SMIM14: variants seen among roughly 807,000 people sequenced by gnomAD.
The protein encoded by SMIM14 is chromosome 4 open reading frame 34.
In SMIM14, 5 loss-of-function variants were observed where a neutral mutation model predicts 12.6. The observed-to-expected ratio is 0.40, with a 90% confidence interval of 0.21 to 0.83. SMIM14 has a LOEUF of 0.83. Ranked by LOEUF, SMIM14 falls within the 40% of genes least tolerant of loss-of-function variation. The probability of loss-of-function intolerance (pLI) is 0.37; values close to 1 mark genes in which losing one functional copy is unlikely to be tolerated. For synonymous variants in SMIM14, 30 were observed against 40.1 expected, an observed-to-expected ratio of 0.75 and a Z score of 0.95; for missense variants, 86 against 119.1, an observed-to-expected ratio of 0.72 and a Z score of 1.29.
chr4:39,626,237 A>C (rs537141448), intron 1 of SMIM14, among the ~76,000 whole-genome samples: 1 of 152,198 alleles, frequency 6.6e-6, no homozygotes, highest in African/African-American at 2.4e-5. Flanking sequence ...CCACTGAAAA[A>C]ACTGTCTTCT....
intron 2 of SMIM14, among the ~76,000 whole-genome samples, chr4:39,594,996 C>T (rs1379321759): frequency 7.3e-5 from 11 of 149,686 alleles, no homozygotes; most frequent in Admixed American, 6.7e-5. Context: ...GTCAGTGTGG[C>T]GATTCCTCAG....
intron 2 of SMIM14, among the ~76,000 whole-genome samples, chr4:39,576,660 G>GTATATATATATATATATA (rs1298743756): frequency 1.2e-4 from 9 of 72,376 alleles, no homozygotes; most frequent in Admixed American, 5.0e-4. Flanking sequence ...GTGTGTATGT[G>GTATATATATATATATATA]TATATATATA....
At chr4:39,557,516 C>T (rs940715495) in intron 3 of SMIM14, among the ~76,000 whole-genome samples, 8 of 151,994 alleles carry the variant, frequency 5.3e-5, no homozygotes, top group African/African-American at 1.7e-4. Context: ...CAAGGCAAGC[C>T]GGCCATGCCA....
intron 1 of SMIM14, chr4:39,638,308 A>T: frequency 4.2e-6 from 1 of 240,712 alleles, no homozygotes; most frequent in Non-Finnish European, 6.7e-6. Context: ...GACGCATCCT[A>T]GTGACTTCAC....
chr4:39,632,716 T>G (rs1339811326), intron 1 of SMIM14, among the ~76,000 whole-genome samples: 2 of 147,946 alleles, frequency 1.4e-5, no homozygotes, highest in African/African-American at 2.5e-5. Flanking sequence ...AGGTGGAGGC[T>G]GCAATGAGCC....
At chr4:39,560,602 C>T (rs1297077285) in intron 3 of SMIM14, among the ~76,000 whole-genome samples, 4 of 151,054 alleles carry the variant, frequency 2.6e-5, no homozygotes, top group African/African-American at 7.3e-5. Flanking sequence ...GCTGAGATCG[C>T]GCCACTGCAC....
chr4:39,602,919 G>A (rs1458592250), intron 2 of SMIM14, among the ~76,000 whole-genome samples: 1 of 152,140 alleles, frequency 6.6e-6, no homozygotes, highest in East Asian at 1.9e-4. Flanking sequence ...TTGAGCAAAT[G>A]TTTGTACGTA....
chr4:39,576,658 GTGTATATATA>G (rs1245893386), intron 2 of SMIM14, among the ~76,000 whole-genome samples: 492 of 40,404 alleles, frequency 0.012, 70 homozygotes, highest in African/African-American at 0.036. Flanking sequence ...GTGTGTGTAT[GTGTATATATA>G]TATATATATA....
At chr4:39,568,674 C>T (rs970669756) in intron 3 of SMIM14, among the ~76,000 whole-genome samples, 1 of 152,072 alleles carries the variant, frequency 6.6e-6, no homozygotes, top group Non-Finnish European at 1.5e-5. Flanking sequence ...TGAATAGTAG[C>T]ACAATACTAT....
At chr4:39,611,863 T>A (rs1299907429) in intron 1 of SMIM14, 1 of 152,194 alleles carries the variant, frequency 6.6e-6, no homozygotes, top group African/African-American at 2.4e-5. Context: ...ATAAGGTAGA[T>A]TTCTACATGG....
chr4:39,575,388 CAG>C (rs922200443), intron 2 of SMIM14, among the ~76,000 whole-genome samples: 9 of 151,630 alleles, frequency 5.9e-5, no homozygotes, highest in Non-Finnish European at 1.2e-4. Flanking sequence ...GAAATAGAAA[CAG>C]GGTCTATGTT....
At chr4:39,575,086 T>TTG (rs1190942481) in intron 2 of SMIM14, among the ~76,000 whole-genome samples, 1 of 150,684 alleles carries the variant, frequency 6.6e-6, no homozygotes, top group Non-Finnish European at 1.5e-5. Context: ...ATAGTTTTTT[T>TTG]TTTTTTTTTT....
intron 3 of SMIM14, among the ~76,000 whole-genome samples, chr4:39,562,447 A>T (rs1712358006): frequency 6.6e-6 from 1 of 152,120 alleles, no homozygotes; most frequent in Non-Finnish European, 1.5e-5. Flanking sequence ...CTGCTGATCA[A>T]TGTGGTAACT....
intron 2 of SMIM14, among the ~76,000 whole-genome samples, chr4:39,592,267 C>CTTTT (rs34640338): frequency 4.6e-5 from 6 of 131,628 alleles, no homozygotes; most frequent in African/African-American, 1.4e-4. Context: ...TCATTTGCCT[C>CTTTT]TTTTTTTTTT....
At chr4:39,581,617 C>A (rs1469669079) in intron 2 of SMIM14, among the ~76,000 whole-genome samples, 7 of 150,318 alleles carry the variant, frequency 4.7e-5, no homozygotes, top group Non-Finnish European at 7.4e-5. Flanking sequence ...CCCACCCACC[C>A]CCTACCCCAG....
intron 1 of SMIM14, among the ~76,000 whole-genome samples, chr4:39,619,285 T>C (rs1234966302): frequency 1.0e-5 from 1 of 97,052 alleles, no homozygotes; most frequent in Non-Finnish European, 1.9e-5. Context: ...ATTCTATATA[T>C]CAATAAATAT....
chr4:39,569,724 G>A (rs1712783145), intron 3 of SMIM14, among the ~76,000 whole-genome samples: 1 of 149,616 alleles, frequency 6.7e-6, no homozygotes, highest in African/African-American at 2.5e-5. Flanking sequence ...GCGACAAAGC[G>A]AGACTCTGTC....
chr4:39,626,030 A>AAGCATTACCACCTG (rs994811291), intron 1 of SMIM14, among the ~76,000 whole-genome samples: 4 of 152,116 alleles, frequency 2.6e-5, no homozygotes, highest in Admixed American at 1.3e-4. Context: ...GCGGGCCAGC[A>AAGCATTACCACCTG]AGCATTACCA....
At position 39,608,551 on chromosome 4, in the gene SMIM14, A is replaced by C. The variant is rs1714900412; in HGVS notation, c.-35-3371T>G. ...ACTGAAATTAGCCAGACAAAAAATAATATGCTATGATTCCATTTATATGAA... is the reference window on the plus strand; with the variant it reads ...ACTGAAATTAGCCAGACAAAAAATACTATGCTATGATTCCATTTATATGAA... On this transcript the variant is annotated intron_variant, in intron 1 of 4. Transcript: ENST00000295958. Among the ~76,000 whole-genome samples the C allele has an allele frequency of 1.3e-5, 2 of 152,238 alleles. 1 individual carries two copies. The highest frequency in any genetic ancestry group is 4.1e-4 in the South Asian group (2 of 4,834).
Sources: gnomAD v4.1 joint callset for allele counts (sites outside exome capture counted in the v4.1 genomes callset) on GRCh38, gnomAD v4.1.1 for gene constraint, MANE v1.5 for transcripts, NCBI Gene and HGNC (gene_info 2026-07-23, HGNC 2026-07-21) for gene names.